Variants in SCAPER observed in about 807,000 individuals in gnomAD.
The protein encoded by SCAPER is S phase cyclin A-associated protein in the endoplasmic reticulum.
Under a neutral mutation model 182.2 loss-of-function variants are expected in SCAPER, and 98 were observed. The observed-to-expected ratio is 0.54, with a 90% confidence interval of 0.46 to 0.64. SCAPER has a LOEUF of 0.64. SCAPER is among the 30% of genes least tolerant of loss of function. SCAPER has a pLI of 0.00. For synonymous variants in SCAPER, 605 were observed against 564.6 expected (o/e 1.07, Z -1.01); for missense variants, 1,432 against 1,690.0 (o/e 0.85, Z 2.68).
chr15:76,760,074 G>A (rs1384490937), intron 14 of SCAPER, among the ~76,000 whole-genome samples: 1 of 152,070 alleles, frequency 6.6e-6, no homozygotes, highest in East Asian at 1.9e-4. Flanking sequence ...ATTTTTATGG[G>A]GTTTTTCTCA....
At chr15:76,478,783 T>C (rs1389371634) in intron 24 of SCAPER, among the ~76,000 whole-genome samples, 1 of 152,164 alleles carries the variant, frequency 6.6e-6, no homozygotes, top group Non-Finnish European at 1.5e-5. Context: ...TGTAGCTTTA[T>C]AGTAGAGTCA....
At chr15:76,384,094 G>A (rs2043142040) in intron 27 of SCAPER, among the ~76,000 whole-genome samples, 1 of 152,154 alleles carries the variant, frequency 6.6e-6, no homozygotes, top group Non-Finnish European at 1.5e-5. Context: ...TAATGTGTCT[G>A]AGTTTATTAT....
At chr15:76,780,733 C>G (rs1441378205) in intron 8 of SCAPER, among the ~76,000 whole-genome samples, 1 of 152,198 alleles carries the variant, frequency 6.6e-6, no homozygotes, top group African/African-American at 2.4e-5. Context: ...TGGTGATACC[C>G]AGGCAAACAG....
At chr15:76,552,902 C>G (rs1178660135) in intron 23 of SCAPER, among the ~76,000 whole-genome samples, 1 of 152,208 alleles carries the variant, frequency 6.6e-6, no homozygotes, top group Non-Finnish European at 1.5e-5. Flanking sequence ...CTGGCCATGC[C>G]TTCTTACTGG....
At chr15:76,821,116 C>T (rs1040503041) in intron 5 of SCAPER, among the ~76,000 whole-genome samples, 1 of 152,204 alleles carries the variant, frequency 6.6e-6, no homozygotes, top group African/African-American at 2.4e-5. Flanking sequence ...CCAGCAACTG[C>T]ACTCCTAGTA....
At chr15:76,765,760 A>G (rs1442342803) in intron 11 of SCAPER, 122 bp from the exon 12 acceptor site, 1 of 814,870 alleles carries the variant, frequency 1.2e-6, no homozygotes, top group Non-Finnish European at 2.0e-6. Flanking sequence ...CAACAGTTGA[A>G]AACCAGGAAA....
chr15:76,870,866 A>G (rs1303051220), intron 2 of SCAPER, among the ~76,000 whole-genome samples: 1 of 152,194 alleles, frequency 6.6e-6, no homozygotes, highest in African/African-American at 2.4e-5. Flanking sequence ...GGCATTATGA[A>G]TAAAATTGTG....
intron 31 of SCAPER, chr15:76,350,840 T>C (rs1395837627): frequency 1.3e-5 from 2 of 155,974 alleles, no homozygotes; most frequent in Non-Finnish European, 2.8e-5. Flanking sequence ...TACTGATAAC[T>C]TTATTCTGAA....
chr15:76,730,260 A>T (rs1006063693), intron 16 of SCAPER, among the ~76,000 whole-genome samples: 2 of 152,120 alleles, frequency 1.3e-5, no homozygotes, highest in Non-Finnish European at 2.9e-5. Context: ...GCCTTTTAAA[A>T]ATAGCCAAAA....
chr15:76,711,621 T>C (rs185007317), intron 17 of SCAPER, among the ~76,000 whole-genome samples: 282 of 152,318 alleles, frequency 1.9e-3, no homozygotes, highest in Non-Finnish European at 3.2e-3. Context: ...TTTTTAATGA[T>C]TGCCATTCTA....
At position 76,639,653 on chromosome 15, in the gene SCAPER, GA is replaced by G. The variant is rs377345557; in HGVS notation, c.2646-17825del. ...GTCAATTCAAAGATGGGATAGTAAAGATTATGAGGACTTACACCCCGCCCCG... is the reference window on the plus strand; with the variant it reads ...GTCAATTCAAAGATGGGATAGTAAAGTTATGAGGACTTACACCCCGCCCCG... On this transcript the variant is annotated intron_variant, in intron 21 of 31. Coordinates refer to ENST00000563290, the MANE Select transcript of SCAPER (RefSeq NM_020843.4). Among the ~76,000 whole-genome samples, 891 of 152,194 alleles carry G rather than the reference GA, an allele frequency of 5.9e-3. 7 individuals carry two copies. The highest frequency in any genetic ancestry group is 8.7e-3 in the Non-Finnish European group (592 of 68,010).
intron 20 of SCAPER, among the ~76,000 whole-genome samples, chr15:76,690,875 A>C (rs1180844260): frequency 6.6e-6 from 1 of 152,142 alleles, no homozygotes; most frequent in African/African-American, 2.4e-5. Flanking sequence ...AAGTTCATAT[A>C]GGAAAAAAGG....
At chr15:76,392,290 T>C (rs1313319501) in intron 27 of SCAPER, among the ~76,000 whole-genome samples, 6 of 152,204 alleles carry the variant, frequency 3.9e-5, no homozygotes, top group Non-Finnish European at 5.9e-5. Flanking sequence ...ACAAAATGTG[T>C]TATAATGAAT....
chr15:76,412,805 CAG>C (rs758976667), intron 26 of SCAPER, among the ~76,000 whole-genome samples: 3 of 152,100 alleles, frequency 2.0e-5, no homozygotes, highest in South Asian at 4.1e-4. Flanking sequence ...TAGGATTGCA[CAG>C]AGTCTATAAA....
At chr15:76,574,350 AC>A in intron 22 of SCAPER, 66 bp from the exon 23 acceptor site, 1 of 1,517,534 alleles carries the variant, frequency 6.6e-7, no homozygotes, top group Non-Finnish European at 8.9e-7. Flanking sequence ...ATTTCCCAAA[AC>A]ACTTTGAAAC....
chr15:76,604,822 CTGTT>C (rs1490576421), intron 22 of SCAPER, among the ~76,000 whole-genome samples: 27 of 151,396 alleles, frequency 1.8e-4, no homozygotes, highest in African/African-American at 6.3e-4. Context: ...ATTTGGCTCT[CTGTT>C]TGTCTGTTAT....
At chr15:76,863,698 T>G (rs1458064300) in intron 2 of SCAPER, among the ~76,000 whole-genome samples, 3 of 152,298 alleles carry the variant, frequency 2.0e-5, no homozygotes, top group East Asian at 3.9e-4. Flanking sequence ...CTGCTGGTGT[T>G]CATGCCCTCA....
intron 23 of SCAPER, among the ~76,000 whole-genome samples, chr15:76,562,661 A>G (rs561229372): frequency 2.6e-5 from 4 of 152,350 alleles, no homozygotes; most frequent in African/African-American, 4.8e-5. Context: ...ACTTTTATAT[A>G]CTGCTGGTAG....
chr15:76,623,127 G>C (rs1378244084), intron 21 of SCAPER, among the ~76,000 whole-genome samples: 2 of 152,144 alleles, frequency 1.3e-5, no homozygotes, highest in Non-Finnish European at 2.9e-5. Flanking sequence ...AATTGTCTAA[G>C]TTCCTTATAG....
Sources: allele counts gnomAD v4.1 joint callset (sites outside exome capture counted in the v4.1 genomes callset), GRCh38; gene constraint gnomAD v4.1.1; transcripts MANE v1.5; gene names NCBI Gene and HGNC (gene_info 2026-07-23, HGNC 2026-07-21).